The following RPS26 variants were observed in gnomAD, a reference collection of about 807,000 sequenced individuals.
The protein encoded by RPS26 is ribosomal protein S26.
In RPS26, 1 loss-of-function variant was observed where a neutral mutation model predicts 14.7. The observed-to-expected ratio is 0.07, with a 90% CI of 0.02 to 0.32. The LOEUF is 0.32. Ranked by LOEUF, RPS26 falls within the 10% of genes least tolerant of loss-of-function variation. The pLI is 1.00. For synonymous variants in RPS26, 59 were observed against 53.1 expected, an observed-to-expected ratio of 1.11 and a Z score of -0.48; for missense variants, 63 against 157.7, an observed-to-expected ratio of 0.40 and a Z score of 3.22.
At position 56,044,192 on chromosome 12, in the gene RPS26, C is replaced by T. The variant is rs1747444193; in HGVS notation, c.*38C>T. 1 of 1,487,282 alleles carries T rather than the reference C, an allele frequency of 6.7e-7. No homozygotes were observed. Among genetic ancestry groups the T allele is most frequent in the African/African-American group, 1.4e-5 (1 of 71,950 alleles). The allele number at this position is 1,487,282 out of a possible 1,614,324, so 92.1% of individuals were successfully genotyped here. ...TTAAAGACTGAAGACAGGCTATTCT[C>T]TGGAGAAAAATAAAATGGAAATTGT... On this transcript the variant is annotated 3_prime_UTR_variant, in exon 4 of 4. Coordinates refer to ENST00000646449, the MANE Select transcript of RPS26 (RefSeq NM_001029.5).
chr12:56,042,660 C>A (rs144139825), intron 2 of RPS26, 58 bp downstream of exon 2: 2 of 1,459,220 alleles, frequency 1.4e-6, no homozygotes, highest in Non-Finnish European at 1.9e-6. Flanking sequence ...AGCCTTCGCC[C>A]AACTTCGCCC....
intron 3 of RPS26, among the ~76,000 whole-genome samples, chr12:56,043,839 G>A (rs1232506977): frequency 6.6e-6 from 1 of 151,778 alleles, no homozygotes; most frequent in Non-Finnish European, 1.5e-5. Context: ...GCTTCCTCCT[G>A]TGGTGCAGGG....
Position 56,044,516 on chromosome 12 carries a change from G to A in RPS26, c.*362G>A, listed in dbSNP as rs1895938468. 1.2e-5 allele frequency: 3 copies of A among 246,936 alleles called. No homozygotes were observed. The South Asian group carries it at 1.4e-4, about 12-fold the overall frequency. The allele number at this position is 246,936 out of a possible 1,614,324, so 15.3% of individuals were successfully genotyped here. A position where few individuals can be genotyped will look rare whatever the true frequency, so the allele number is the denominator to read the frequency against. Reference sequence around the variant, plus strand: ...CTGCCACCATGCCTGGTTAATTTTTGTATTTTTGGTAGAGATGGGGTTTCA... The same window carrying A: ...CTGCCACCATGCCTGGTTAATTTTTATATTTTTGGTAGAGATGGGGTTTCA... On this transcript the variant is annotated 3_prime_UTR_variant, in exon 4 of 4. Transcript: ENST00000646449.
intron 2 of RPS26, 195 bp downstream of exon 2, chr12:56,042,797 G>C (rs1565845585): frequency 3.0e-6 from 2 of 664,932 alleles, no homozygotes; most frequent in Non-Finnish European, 5.4e-6. Flanking sequence ...CTTTGTGATA[G>C]AGTGCACAGC....
chr12:56,042,892 A>C (rs143652836), intron 2 of RPS26: 46 of 516,940 alleles, frequency 8.9e-5, no homozygotes, highest in Admixed American at 4.6e-4. Context: ...TTCTTGTGCT[A>C]TTGATTATTT....
chr12:56,043,590 T>C (rs576637570), intron 3 of RPS26, 97 bp downstream of exon 3: 12 of 1,215,840 alleles, frequency 9.9e-6, no homozygotes, highest in Admixed American at 7.3e-5. Context: ...CTCAACACTT[T>C]GGGAGGCTGG....
rs914753770 is a variant in RPS26, at chr12:56,044,298, A to T, written c.*144A>T. 3 of 634,664 alleles carry T rather than the reference A, an allele frequency of 4.7e-6. No individual in the cohort carries two copies. The highest frequency in any genetic ancestry group is 1.9e-5 in the African/African-American group (1 of 53,000). The allele number at this position is 634,664 out of a possible 1,614,324, so 39.3% of individuals were successfully genotyped here. A position where few individuals can be genotyped will look rare whatever the true frequency, so the allele number is the denominator to read the frequency against. On this transcript the variant is annotated 3_prime_UTR_variant, in exon 4 of 4. Transcript: ENST00000646449. ...TTAGACCAAGTGTGAAGTGACACAC[A>T]TTATTTTCATGGGGAAGAAAGCTTA...
rs1048900442 is a variant in RPS26, at chr12:56,043,988, C to T, written c.313-131C>T. 24 of 832,946 alleles carry T rather than the reference C, an allele frequency of 2.9e-5. No individual in the cohort carries two copies. In the African/African-American group the frequency reaches 3.0e-4, roughly 10 times the overall value. The allele number at this position is 832,946 out of a possible 1,614,324, so 51.6% of individuals were successfully genotyped here. On this transcript the variant is annotated intron_variant, in intron 3 of 3. Coordinates refer to ENST00000646449, the MANE Select transcript of RPS26 (RefSeq NM_001029.5). ...ATGCAGAGTAGTGTTCTCCCTCCAC[C>T]TCTATCAGCTTCCCATGCATTTGTA...
At chr12:56,043,748 T>C (rs1593023968) in intron 3 of RPS26, among the ~76,000 whole-genome samples, 2 of 151,902 alleles carry the variant, frequency 1.3e-5, no homozygotes, top group South Asian at 4.2e-4. Flanking sequence ...GAGTTTGAGG[T>C]TGCAGTGAGC....
chr12:56,044,098 T>C lies in RPS26; in HGVS notation c.313-21T>C. 6 of 1,611,904 alleles carry C rather than the reference T, an allele frequency of 3.7e-6. No homozygotes were observed. In the South Asian group the frequency reaches 6.6e-5, roughly 18 times the overall value. ...TGGATCCATGGGTTTTAATTTACTC[T>C]TTTGTTTCTTTGTCTTTCAGGGTGC... is the stretch of plus-strand genomic sequence containing the variant. On this transcript the variant is annotated intron_variant, in intron 3 of 3. Coordinates refer to ENST00000646449, the MANE Select transcript of RPS26 (RefSeq NM_001029.5).
Position 56,042,145 on chromosome 12 carries a change from C to T in RPS26, c.-22C>T, listed in dbSNP as rs1131017. On this transcript the variant is annotated 5_prime_UTR_variant, in exon 1 of 4. Coordinates refer to ENST00000646449, the MANE Select transcript of RPS26 (RefSeq NM_001029.5). ...AGGGCCCTGCCAGGCACCGTCTCCT[C>T]TCTCCGGTCCGTGCCTCCAAGATGG... 8.4e-5 allele frequency: 136 copies of T among 1,613,734 alleles called. No individual in the cohort carries two copies. Among genetic ancestry groups the T allele is most frequent in the South Asian group, 2.9e-4 (26 of 91,074 alleles).
chr12:56,042,329 C>A (rs1895898204), intron 1 of RPS26, 96 bp from the exon 2 acceptor site: 48 of 1,528,346 alleles, frequency 3.1e-5, no homozygotes, highest in Non-Finnish European at 4.3e-5. Context: ...CCGAGCGGCG[C>A]CTTCCTGGAG....
Position 56,042,562 on chromosome 12 carries a change from C to T in RPS26, c.141C>T (p.Ala47=). 1 of 1,599,486 alleles carries T rather than the reference C, an allele frequency of 6.3e-7. No homozygotes were observed. Among genetic ancestry groups the T allele is most frequent in the Non-Finnish European group, 8.5e-7 (1 of 1,179,606 alleles). Residue 47 remains alanine, a synonymous_variant, in exon 2 of 4, where the codon GCC becomes GCT. Coordinates refer to ENST00000646449, the MANE Select transcript of RPS26 (RefSeq NM_001029.5). ...KKFVIRNIVE[A]AAVRDISEAS... is the part of the protein sequence containing the mutation. ...TCGTCATTCGAAACATAGTGGAGGCCGCAGCAGTCAGGGACATTTCTGAAG... is the reference window on the plus strand; with the variant it reads ...TCGTCATTCGAAACATAGTGGAGGCTGCAGCAGTCAGGGACATTTCTGAAG...
rs756909869 is a variant in RPS26, at chr12:56,042,143, C to CTG, written c.-23_-22insGT. 4 of 1,613,832 alleles carry CTG rather than the reference C, an allele frequency of 2.5e-6. No individual in the cohort carries two copies. The Admixed American group carries it at 6.7e-5, about 27-fold the overall frequency. On this transcript the variant is annotated 5_prime_UTR_variant, in exon 1 of 4. Transcript: ENST00000646449. ...GGAGGGCCCTGCCAGGCACCGTCTCCTCTCTCCGGTCCGTGCCTCCAAGAT... is the reference window on the plus strand; with the variant it reads ...GGAGGGCCCTGCCAGGCACCGTCTCCTGTCTCTCCGGTCCGTGCCTCCAAGAT...
Position 56,044,442 on chromosome 12 carries a change from C to G in RPS26, c.*288C>G, listed in dbSNP as rs1048840207. ...CACTGCAACCTCCGTCTCCCGGGTT[C>G]AAGTGATTCTCCTGCCTCAGCTTCT... On this transcript the variant is annotated 3_prime_UTR_variant, in exon 4 of 4. Coordinates refer to ENST00000646449, the MANE Select transcript of RPS26 (RefSeq NM_001029.5). The G allele has an allele frequency of 2.6e-5, 9 of 347,438 alleles. No homozygotes were observed. Among genetic ancestry groups the G allele is most frequent in the Non-Finnish European group, 4.6e-5 (9 of 196,464 alleles). The allele number at this position is 347,438 out of a possible 1,614,324, so 21.5% of individuals were successfully genotyped here.
At position 56,044,488 on chromosome 12, in the gene RPS26, T is replaced by A; in HGVS notation, c.*334T>A. ...CTTCTTGAGTAGCTGGGATTACAGG[T>A]GTCTGCCACCATGCCTGGTTAATTT... is the stretch of plus-strand genomic sequence containing the variant. On this transcript the variant is annotated 3_prime_UTR_variant, in exon 4 of 4. Coordinates refer to ENST00000646449, the MANE Select transcript of RPS26 (RefSeq NM_001029.5). 1 of 290,964 alleles carries A rather than the reference T, an allele frequency of 3.4e-6. No individual in the cohort carries two copies. Among genetic ancestry groups the A allele is most frequent in the Non-Finnish European group, 6.5e-6 (1 of 154,196 alleles). The allele number at this position is 290,964 out of a possible 1,614,324, so 18.0% of individuals were successfully genotyped here. A position where few individuals can be genotyped will look rare whatever the true frequency, so the allele number is the denominator to read the frequency against.
chr12:56,044,014 G>A lies in RPS26; in HGVS notation c.313-105G>A, dbSNP rs566566267. 3.2e-4 allele frequency: 307 copies of A among 966,240 alleles called. 2 individuals are homozygous for A. The South Asian group carries it at 3.8e-3, about 12-fold the overall frequency. 59.9% of individuals were successfully genotyped at this position (966,240 alleles called of 1,614,324 possible). A position where few individuals can be genotyped will look rare whatever the true frequency, so the allele number is the denominator to read the frequency against. On this transcript the variant is annotated intron_variant, in intron 3 of 3. Coordinates refer to ENST00000646449, the MANE Select transcript of RPS26 (RefSeq NM_001029.5). Reference sequence around the variant, plus strand: ...TCTATCAGCTTCCCATGCATTTGTAGCCTGAATACATCAGTTTGTGAGAGG... The same window carrying A: ...TCTATCAGCTTCCCATGCATTTGTAACCTGAATACATCAGTTTGTGAGAGG...
intron 2 of RPS26, 124 bp downstream of exon 2, chr12:56,042,726 G>C (rs757609313): frequency 1.5e-5 from 12 of 807,378 alleles, no homozygotes; most frequent in Non-Finnish European, 2.3e-5. Flanking sequence ...ATTTAAGGTT[G>C]TTACTGGTAG....
intron 3 of RPS26, among the ~76,000 whole-genome samples, chr12:56,043,712 G>T (rs964476433): frequency 2.0e-5 from 3 of 152,100 alleles, no homozygotes; most frequent in Admixed American, 1.3e-4. Context: ...TCGAGAGGCT[G>T]AGGCAGGAGG....
Sources: allele counts gnomAD v4.1 joint callset (sites outside exome capture counted in the v4.1 genomes callset), GRCh38; gene constraint gnomAD v4.1.1; transcripts MANE v1.5; gene names NCBI Gene and HGNC (gene_info 2026-07-23, HGNC 2026-07-21).